The following TRIP12 variants were observed in gnomAD, a reference collection of about 807,000 sequenced individuals.
TRIP12 encodes thyroid hormone receptor interactor 12.
In TRIP12, 25 loss-of-function variants were observed where a neutral mutation model predicts 244.2. The ratio of observed to expected loss-of-function variants is 0.10; its 90% CI spans 0.07 to 0.14. The LOEUF is 0.14. Ranked by LOEUF, TRIP12 falls within the 10% of genes least tolerant of loss-of-function variation. The pLI is 1.00. For synonymous variants in TRIP12, 905 were observed against 873.1 expected (o/e 1.04, Z -0.64); for missense variants, 1,677 against 2,486.4 (o/e 0.67, Z 6.92).
Position 229,807,764 on chromosome 2 carries a change from G to T in TRIP12, c.2440C>A (p.Arg814Ser), listed in dbSNP as rs777391885. Reference sequence around the variant, plus strand: ...GGATGCCAGAGGCCCCGATCATCACGCCACTGCCATATCGCACCATCTGTG... The same window carrying T: ...GGATGCCAGAGGCCCCGATCATCACTCCACTGCCATATCGCACCATCTGTG... ...QNTDGAIWQW[R>S]DDRGLWHPYN... is the part of the protein sequence containing the mutation. Residue 814 changes from arginine (R) to serine (S), a missense_variant, in exon 17 of 42, where the codon CGT becomes AGT. Physicochemically the swap from Arg to Ser is moderately radical, Grantham distance 110. Coordinates refer to ENST00000675903, the MANE Select transcript of TRIP12 (RefSeq NM_001348323.3). The T allele has an allele frequency of 1.2e-6, 2 of 1,614,030 alleles. No individual in the cohort carries two copies. The highest frequency in any genetic ancestry group is 1.7e-6 in the Non-Finnish European group (2 of 1,180,010).
At chr2:229,801,868 T>G (rs2044447881) in intron 21 of TRIP12, among the ~76,000 whole-genome samples, 1 of 152,208 alleles carries the variant, frequency 6.6e-6, no homozygotes, top group Non-Finnish European at 1.5e-5. Context: ...TATTAATATC[T>G]GGATGTCTCT....
intron 26 of TRIP12, among the ~76,000 whole-genome samples, chr2:229,793,768 C>T (rs1324377014): frequency 6.6e-6 from 1 of 152,084 alleles, no homozygotes; most frequent in Non-Finnish European, 1.5e-5. Flanking sequence ...GTCCAACCTG[C>T]GGCCCACAGG....
In TRIP12 at chr2:229,899,227, G is replaced by A. The variant is rs914719739; in HGVS notation, c.-49-19099C>T. ...ACCTTGGCCACAAGCCATGGCACAC[G>A]GTCTAGCCACCAAATTTATATACGC... is the stretch of plus-strand genomic sequence containing the variant. On this transcript the variant is annotated intron_variant, in intron 1 of 41. Transcript: ENST00000675903. 3.3e-5 allele frequency among the ~76,000 whole-genome samples: 5 copies of A among 152,144 alleles called. No individual in the cohort carries two copies. The East Asian group carries it at 5.8e-4, about 18-fold the overall frequency.
Position 229,766,276 on chromosome 2 carries a change from A to G in TRIP12, c.*1278T>C, listed in dbSNP as rs1444049162. On this transcript the variant is annotated 3_prime_UTR_variant, in exon 42 of 42. Transcript: ENST00000675903. ...GCTATTATAAATTGTTTGAATAGCAAAATCAGCCATGACCCGAATCATGGA... is the reference window on the plus strand; with the variant it reads ...GCTATTATAAATTGTTTGAATAGCAGAATCAGCCATGACCCGAATCATGGA... The G allele has an allele frequency of 6.6e-6, 1 of 152,202 alleles. No individual in the cohort carries two copies. Among genetic ancestry groups the G allele is most frequent in the Non-Finnish European group, 1.5e-5 (1 of 68,040 alleles). 9.4% of individuals were successfully genotyped at this position (152,202 alleles called of 1,614,324 possible). A position where few individuals can be genotyped will look rare whatever the true frequency, so the allele number is the denominator to read the frequency against.
chr2:229,791,675 T>C (rs1162387917), intron 29 of TRIP12, 191 bp downstream of exon 29: 10 of 609,622 alleles, frequency 1.6e-5, no homozygotes, highest in South Asian at 4.1e-5. Context: ...CATTTTCCGG[T>C]AGAATGAATG....
At chr2:229,851,991 A>T (rs1412865206) in intron 4 of TRIP12, among the ~76,000 whole-genome samples, 1 of 152,084 alleles carries the variant, frequency 6.6e-6, no homozygotes, top group East Asian at 1.9e-4. Flanking sequence ...ACTCATTCTT[A>T]TTTCCTCCCT....
chr2:229,835,972 T>A (rs964227758), intron 6 of TRIP12, among the ~76,000 whole-genome samples: 3 of 152,060 alleles, frequency 2.0e-5, no homozygotes, highest in African/African-American at 7.2e-5. Context: ...CATATAAAAC[T>A]AAGAAAGTGT....
intron 34 of TRIP12, among the ~76,000 whole-genome samples, chr2:229,782,924 T>C (rs543896814): frequency 6.6e-6 from 1 of 152,238 alleles, no homozygotes; most frequent in South Asian, 2.1e-4. Context: ...CTAAGTTTTG[T>C]CTTAAAACAA....
intron 1 of TRIP12, among the ~76,000 whole-genome samples, chr2:229,903,956 G>A (rs1213260776): frequency 2.0e-5 from 3 of 151,550 alleles, no homozygotes; most frequent in East Asian, 1.9e-4. Flanking sequence ...GGATAGTTTG[G>A]GCCCAGGAAG....
At chr2:229,870,189 C>T (rs1365311613) in intron 2 of TRIP12, among the ~76,000 whole-genome samples, 5 of 152,126 alleles carry the variant, frequency 3.3e-5, no homozygotes, top group South Asian at 2.1e-4. Context: ...GGAGAGGTGC[C>T]GTGCACAACA....
intron 8 of TRIP12, among the ~76,000 whole-genome samples, chr2:229,821,120 T>G (rs1025073726): frequency 1.3e-5 from 2 of 152,194 alleles, no homozygotes; most frequent in Non-Finnish European, 2.9e-5. Context: ...TTTGGTTCAG[T>G]AAGGGCATCT....
At chr2:229,828,627 C>T (rs1421186957) in intron 8 of TRIP12, among the ~76,000 whole-genome samples, 10 of 151,808 alleles carry the variant, frequency 6.6e-5, no homozygotes, top group Admixed American at 3.9e-4. Context: ...AAAAATTAGC[C>T]GGGCTTGATG....
At chr2:229,864,047 A>AGAGAGAGAGAGTGTGAGT in intron 2 of TRIP12, among the ~76,000 whole-genome samples, 13 of 79,290 alleles carry the variant, frequency 1.6e-4, no homozygotes, top group Non-Finnish European at 2.8e-4. Context: ...AGAGAGAGAG[A>AGAGAGAGAGAGTGTGAGT]GTGTGTGTGT....
intron 8 of TRIP12, among the ~76,000 whole-genome samples, chr2:229,824,544 C>T (rs1291487927): frequency 6.6e-6 from 1 of 152,038 alleles, no homozygotes; most frequent in Non-Finnish European, 1.5e-5. Flanking sequence ...AAATGTCCAA[C>T]AGGGGACTAT....
Position 229,879,963 on chromosome 2 carries a change from A to T in TRIP12, c.98+19T>A, listed in dbSNP as rs1309350126. The T allele has an allele frequency of 6.2e-7, 1 of 1,613,258 alleles. No homozygotes were observed. Among genetic ancestry groups the T allele is most frequent in the Admixed American group, 1.7e-5 (1 of 60,000 alleles). ...TCTTTTATTCCCAATTCCTTTTCAA[A>T]TTACCATGAAATACATACCTTCCTC... On this transcript the variant is annotated intron_variant, in intron 2 of 41. Coordinates refer to ENST00000675903, the MANE Select transcript of TRIP12 (RefSeq NM_001348323.3).
chr2:229,828,324 C>A (rs1466243020), intron 8 of TRIP12, among the ~76,000 whole-genome samples: 1 of 150,684 alleles, frequency 6.6e-6, no homozygotes, highest in Admixed American at 6.6e-5. Flanking sequence ...CCTTAGGGAC[C>A]CCCTGCAACA....
intron 16 of TRIP12, 67 bp from the exon 17 acceptor site, chr2:229,807,931 GAAAA>G: frequency 6.8e-7 from 1 of 1,472,348 alleles, no homozygotes; most frequent in Non-Finnish European, 9.1e-7. Flanking sequence ...GGTCTCTAAA[GAAAA>G]ATAATCTCAC....
intron 8 of TRIP12, among the ~76,000 whole-genome samples, chr2:229,824,259 T>C (rs1363641832): frequency 6.6e-6 from 1 of 152,002 alleles, no homozygotes; most frequent in Non-Finnish European, 1.5e-5. Context: ...TACATATAAC[T>C]AAAAAAAGTT....
chr2:229,858,076 A>G (rs1333588261), intron 4 of TRIP12, among the ~76,000 whole-genome samples: 1 of 152,206 alleles, frequency 6.6e-6, no homozygotes. Context: ...ATAAAAAAAT[A>G]TATTTGGCCA....
Sources: allele counts gnomAD v4.1 joint callset (sites outside exome capture counted in the v4.1 genomes callset), GRCh38; gene constraint gnomAD v4.1.1; transcripts MANE v1.5; gene names NCBI Gene and HGNC (gene_info 2026-07-23, HGNC 2026-07-21).